Variants in THSD4 observed in about 807,000 individuals in gnomAD.
The protein encoded by THSD4 is thrombospondin type 1 domain containing 4.
In THSD4, 69 loss-of-function variants were observed where a neutral mutation model predicts 119.0. The observed-to-expected ratio is 0.58, with a 90% CI of 0.48 to 0.71. The LOEUF is 0.71. Ranked by LOEUF, THSD4 falls within the 30% of genes least tolerant of loss-of-function variation. The pLI, the probability that THSD4 is intolerant of heterozygous loss-of-function variation, is 0.00. For missense variants in THSD4, 1,393 were observed against 1,391.1 expected (o/e 1.00, Z -0.02); for synonymous variants, 524 against 540.4 (o/e 0.97, Z 0.42).
chr15:71,110,733 CA>C (rs2040297155), upstream of THSD4: 1 of 185,074 alleles, frequency 5.4e-6, no homozygotes, highest in African/African-American at 2.4e-5. Flanking sequence ...CTGCCTTCCT[CA>C]GGGTCTTTGC....
chr15:71,506,475 C>T (rs562217573), intron 7 of THSD4, among the ~76,000 whole-genome samples: 22 of 152,316 alleles, frequency 1.4e-4, no homozygotes, highest in Middle Eastern at 3.4e-3. Flanking sequence ...GACTCTACCC[C>T]GTAAGGCCCA....
At position 71,449,880 on chromosome 15, in the gene THSD4, G is replaced by A. The variant is rs145920549; in HGVS notation, c.1152+38057G>A. Among the ~76,000 whole-genome samples the A allele has an allele frequency of 3.2e-4, 49 of 152,320 alleles. No individual in the cohort carries two copies. In the East Asian group the frequency reaches 8.5e-3, roughly 26 times the overall value. On this transcript the variant is annotated intron_variant, in intron 7 of 17. Coordinates refer to ENST00000261862, the MANE Select transcript of THSD4 (RefSeq NM_024817.3). ...TGTTATCCACCTAGTTCCTTGGGTA[G>A]CTTTTACCACAAATTCATGATAGAA... is the stretch of plus-strand genomic sequence containing the variant.
chr15:71,731,181 G>A lies in THSD4; in HGVS notation c.1594G>A (p.Ala532Thr), dbSNP rs1396883370. The A allele has an allele frequency of 1.3e-5, 21 of 1,614,012 alleles. No homozygotes were observed. The highest frequency in any genetic ancestry group is 6.6e-5 in the South Asian group (6 of 91,086). ...CGAGTACGTGATCATGGGGACCAAC[G>A]CCATCAGCCCCCAGGTGCCACCCCA... ...HYEYVIMGTN[A>T]ISPQVPPHRR... The change falls in exon 10 of 18, where the codon GCC becomes ACC. Residue 532 changes from alanine (A) to threonine (T), a missense_variant. Transcript: ENST00000261862.
At chr15:71,226,637 G>C (rs1466112120) in intron 4 of THSD4, among the ~76,000 whole-genome samples, 1 of 152,188 alleles carries the variant, frequency 6.6e-6, no homozygotes, top group Non-Finnish European at 1.5e-5. Context: ...CCCTAGAGCT[G>C]ACTGGGCCTC....
rs77080847 is a variant in THSD4 at position 71,667,883 on chromosome 15, G to T, written c.1357+7149G>T. Reference sequence around the variant, plus strand: ...TGAAGGTAAATAACCACTGTTCACAGTTCATTGTGTATTCTCCAGCCCTTT... The same window carrying T: ...TGAAGGTAAATAACCACTGTTCACATTTCATTGTGTATTCTCCAGCCCTTT... On this transcript the variant is annotated intron_variant, in intron 8 of 17. Transcript: ENST00000261862. Among the ~76,000 whole-genome samples, 15 of 152,254 alleles carry T rather than the reference G, an allele frequency of 9.9e-5. 1 individual carries two copies. The East Asian group carries it at 2.9e-3, about 29-fold the overall frequency.
intron 8 of THSD4, among the ~76,000 whole-genome samples, chr15:71,677,633 G>A (rs1334035889): frequency 6.6e-6 from 1 of 152,082 alleles, no homozygotes; most frequent in Admixed American, 6.6e-5. Flanking sequence ...CAGATATGCT[G>A]GAACGAAAGG....
rs1050457536 is a variant in THSD4, at chr15:71,297,302, T to C, written c.1015+40587T>C. Among the ~76,000 whole-genome samples, 8 of 142,300 alleles carry C rather than the reference T, an allele frequency of 5.6e-5. No homozygotes were observed. The South Asian group carries it at 1.8e-3, about 33-fold the overall frequency. The allele number at this position is 142,300 out of a possible 152,430, so 93.4% of individuals were successfully genotyped here. On this transcript the variant is annotated intron_variant, in intron 6 of 17. Transcript: ENST00000261862. ...GCAGAAAAATATTTATTCAAGTCCTTTGCTCTCCTCTTCTTTTTTTTGTTT... is the reference window on the plus strand; with the variant it reads ...GCAGAAAAATATTTATTCAAGTCCTCTGCTCTCCTCTTCTTTTTTTTGTTT...
chr15:71,700,608 A>G (rs1410230608), intron 8 of THSD4, among the ~76,000 whole-genome samples: 5 of 152,160 alleles, frequency 3.3e-5, no homozygotes, highest in African/African-American at 1.2e-4. Context: ...GTTCAAGAGT[A>G]GCCAAAAGCT....
chr15:71,335,247 A>G (rs1026526870), intron 6 of THSD4, among the ~76,000 whole-genome samples: 1 of 152,138 alleles, frequency 6.6e-6, no homozygotes, highest in African/African-American at 2.4e-5. Flanking sequence ...TGTCAGCCCC[A>G]GCAACTTCTT....
chr15:71,301,189 C>T (rs1398365145), intron 6 of THSD4, among the ~76,000 whole-genome samples: 1 of 152,190 alleles, frequency 6.6e-6, no homozygotes. Flanking sequence ...GCTCCAGTTT[C>T]ACCACTCAGA....
chr15:71,467,125 C>T (rs955848427), intron 7 of THSD4, among the ~76,000 whole-genome samples: 8 of 152,236 alleles, frequency 5.3e-5, no homozygotes, highest in African/African-American at 1.7e-4. Context: ...TACAACCTCA[C>T]GTGCTGCCTT....
At chr15:71,695,153 A>G (rs1441714141) in intron 8 of THSD4, among the ~76,000 whole-genome samples, 5 of 152,158 alleles carry the variant, frequency 3.3e-5, no homozygotes, top group Non-Finnish European at 5.9e-5. Flanking sequence ...CTGTGTCCCA[A>G]TCTTTGCTCC....
chr15:71,566,824 T>C (rs28711156), intron 7 of THSD4, among the ~76,000 whole-genome samples: 75,305 of 150,634 alleles, frequency 0.5, 18,925 homozygotes, highest in East Asian at 0.7. Context: ...TTTCTTTCCA[T>C]GGGGCACCTC....
Position 71,188,555 on chromosome 15 carries a change from G to A in THSD4, c.100-26480G>A, listed in dbSNP as rs144319551. Among the ~76,000 whole-genome samples the A allele has an allele frequency of 8.9e-3, 1,362 of 152,268 alleles. 8 individuals are homozygous for A. Among genetic ancestry groups the A allele is most frequent in the Non-Finnish European group, 0.014 (950 of 68,022 alleles). ...CGTAGGACTGGTCATCTCATCACCAGTGAAGACAGAGGATCTGACCTGCAG... is the reference window on the plus strand; with the variant it reads ...CGTAGGACTGGTCATCTCATCACCAATGAAGACAGAGGATCTGACCTGCAG... On this transcript the variant is annotated intron_variant, in intron 3 of 17. Coordinates refer to ENST00000261862, the MANE Select transcript of THSD4 (RefSeq NM_024817.3).
chr15:71,180,137 T>A (rs1321852571), intron 3 of THSD4, among the ~76,000 whole-genome samples: 9 of 49,364 alleles, frequency 1.8e-4, no homozygotes, highest in East Asian at 9.4e-4. Flanking sequence ...AAACTTAGAG[T>A]ATAATAAAAA....
At chr15:71,540,105 A>G (rs1436556704) in intron 7 of THSD4, among the ~76,000 whole-genome samples, 1 of 141,612 alleles carries the variant, frequency 7.1e-6, no homozygotes, top group African/African-American at 2.6e-5. Flanking sequence ...CTTCTTAACT[A>G]TTATTACAAC....
intron 8 of THSD4, among the ~76,000 whole-genome samples, chr15:71,715,005 C>A (rs1290874346): frequency 6.6e-6 from 1 of 152,162 alleles, no homozygotes; most frequent in South Asian, 2.1e-4. Context: ...AGATACATAA[C>A]CCTTATAACT....
intron 7 of THSD4, among the ~76,000 whole-genome samples, chr15:71,474,641 GCT>G (rs2047631914): frequency 6.6e-6 from 1 of 152,162 alleles, no homozygotes; most frequent in Non-Finnish European, 1.5e-5. Flanking sequence ...TTCATCCTAT[GCT>G]CTCTGTCTGC....
intron 7 of THSD4, among the ~76,000 whole-genome samples, chr15:71,449,797 A>G (rs923214273): frequency 6.6e-6 from 1 of 152,216 alleles, no homozygotes; most frequent in Non-Finnish European, 1.5e-5. Flanking sequence ...AAATTGATTT[A>G]TACCCAATAT....
Sources: allele counts gnomAD v4.1 joint callset (sites outside exome capture counted in the v4.1 genomes callset), GRCh38; gene constraint gnomAD v4.1.1; transcripts MANE v1.5; gene names NCBI Gene and HGNC (gene_info 2026-07-23, HGNC 2026-07-21).